BTBD10: variants seen among roughly 807,000 people sequenced by gnomAD.
BTBD10 encodes BTB domain containing 10, also known as BTB/POZ domain-containing protein 10.
In BTBD10, 21 loss-of-function variants were observed where a neutral mutation model predicts 53.2. The ratio of observed to expected loss-of-function variants is 0.39; its 90% confidence interval spans 0.28 to 0.57. The LOEUF (loss-of-function observed/expected upper bound fraction) is 0.57, where lower values mean the gene tolerates loss of function less well. BTBD10 is among the 20% of genes least tolerant of loss of function. BTBD10 has a pLI of 0.53. For synonymous variants in BTBD10, 149 were observed against 192.7 expected, an observed-to-expected ratio of 0.77 and a Z score of 1.88; for missense variants, 360 against 594.7, an observed-to-expected ratio of 0.61 and a Z score of 4.10.
At chr11:13,437,025 C>T (rs912728468) in intron 2 of BTBD10, among the ~76,000 whole-genome samples, 1 of 152,306 alleles carries the variant, frequency 6.6e-6, no homozygotes, top group Non-Finnish European at 1.5e-5. Context: ...TCAAGCAACC[C>T]GCACGCCTCA....
At chr11:13,417,370 A>C (rs1809612086) in intron 4 of BTBD10, 110 bp from the exon 5 acceptor site, 2 of 700,004 alleles carry the variant, frequency 2.9e-6, no homozygotes, top group Admixed American at 5.8e-5. Flanking sequence ...ATTTAGTTCA[A>C]GAATTTTTAT....
At chr11:13,440,094 C>G (rs1346215585) in intron 2 of BTBD10, 1 of 1,520,478 alleles carries the variant, frequency 6.6e-7, no homozygotes, top group South Asian at 1.2e-5. Flanking sequence ...CTCCCCCTAC[C>G]TCACCTGTCC....
At chr11:13,428,118 T>C (rs1423667858) in intron 2 of BTBD10, among the ~76,000 whole-genome samples, 1 of 152,000 alleles carries the variant, frequency 6.6e-6, no homozygotes. Context: ...AGATACAAAC[T>C]ACCAATGTCA....
chr11:13,410,091 A>C (rs552527839), intron 6 of BTBD10, among the ~76,000 whole-genome samples: 1 of 152,272 alleles, frequency 6.6e-6, no homozygotes, highest in Non-Finnish European at 1.5e-5. Context: ...TCTCAGAAAT[A>C]ACCACTAAAA....
At chr11:13,414,124 AGTATTAAAATAT>A (rs1425250257) in intron 5 of BTBD10, among the ~76,000 whole-genome samples, 1 of 152,234 alleles carries the variant, frequency 6.6e-6, no homozygotes, top group Non-Finnish European at 1.5e-5. Flanking sequence ...GTCATATTCA[AGTATTAAAATAT>A]GTAAAATAAG....
At chr11:13,417,374 T>C (rs756255738) in intron 4 of BTBD10, 114 bp from the exon 5 acceptor site, 72 of 678,188 alleles carry the variant, frequency 1.1e-4, no homozygotes, top group Middle Eastern at 3.2e-4. Context: ...AGTTCAAGAA[T>C]TTTTATCATT....
chr11:13,413,693 T>G (rs1488222978), intron 5 of BTBD10, 43 bp from the exon 6 acceptor site: 1 of 1,565,768 alleles, frequency 6.4e-7, no homozygotes, highest in Admixed American at 1.8e-5. Flanking sequence ...ATCTGGAGCA[T>G]AAGGTAGCCA....
At chr11:13,415,129 T>C (rs7941086) in intron 5 of BTBD10, among the ~76,000 whole-genome samples, 25 of 149,230 alleles carry the variant, frequency 1.7e-4, no homozygotes, top group South Asian at 1.1e-3. Flanking sequence ...TTTTTTTTTT[T>C]CTGACACAGG....
intron 1 of BTBD10, among the ~76,000 whole-genome samples, chr11:13,458,090 CCAGAA>C (rs1402109897): frequency 2.7e-5 from 4 of 147,436 alleles, no homozygotes; most frequent in Non-Finnish European, 5.9e-5. Flanking sequence ...TCACTTGAGC[CCAGAA>C]GTTCAAGGTC....
intron 4 of BTBD10, among the ~76,000 whole-genome samples, chr11:13,418,971 C>CT (rs11423580): frequency 0.15 from 18,255 of 125,292 alleles, 1,680 homozygotes; most frequent in South Asian, 0.39. Flanking sequence ...GTTGACATTC[C>CT]TTTTTTTTTT....
chr11:13,406,476 A>G (rs1949830564), intron 6 of BTBD10, among the ~76,000 whole-genome samples: 3 of 152,244 alleles, frequency 2.0e-5, no homozygotes, highest in South Asian at 2.1e-4. Flanking sequence ...CCTACTGAAG[A>G]TGCCAACATC....
At position 13,452,532 on chromosome 11, in the gene BTBD10, A is replaced by C. The variant is rs150607711; in HGVS notation, c.-57-7351T>G. On this transcript the variant is annotated intron_variant, in intron 1 of 8. Transcript: ENST00000278174. ...CAAATATATCAGCAAGGCATAATGA[A>C]ACCACTTTTTGATCAAAAACCCCAA... 3.2e-3 allele frequency among the ~76,000 whole-genome samples: 493 copies of C among 152,320 alleles called. 4 individuals carry two copies. The highest frequency in any genetic ancestry group is 0.011 in the African/African-American group (451 of 41,574).
chr11:13,442,183 C>T (rs1303877293), intron 2 of BTBD10, among the ~76,000 whole-genome samples: 1 of 152,058 alleles, frequency 6.6e-6, no homozygotes, highest in East Asian at 1.9e-4. Flanking sequence ...AGTGTTTAGT[C>T]TTGTTTTCTT....
At chr11:13,452,341 T>C (rs1950878133) in intron 1 of BTBD10, among the ~76,000 whole-genome samples, 2 of 152,168 alleles carry the variant, frequency 1.3e-5, no homozygotes, top group South Asian at 2.1e-4. Context: ...CAAAGTAATT[T>C]TGGTGAGTGA....
At position 13,456,755 on chromosome 11, in the gene BTBD10, T is replaced by C. The variant is rs114057559; in HGVS notation, c.-58+6337A>G. Among the ~76,000 whole-genome samples the C allele has an allele frequency of 6.3e-3, 958 of 152,258 alleles. 14 individuals carry two copies. Among genetic ancestry groups the C allele is most frequent in the African/African-American group, 0.022 (901 of 41,548 alleles). On this transcript the variant is annotated intron_variant, in intron 1 of 8. Transcript: ENST00000278174. ...AATGGCCTTAAACATAAAAATATGT[T>C]CAACCTCACTCATAAAAGAAATGCA... is the stretch of plus-strand genomic sequence containing the variant.
At chr11:13,459,691 T>C (rs2134068634) in intron 1 of BTBD10, 1 of 152,340 alleles carries the variant, frequency 6.6e-6, no homozygotes, top group East Asian at 1.9e-4. Context: ...GGCATTCCAT[T>C]TCCTTCTCCC....
Position 13,405,618 on chromosome 11 carries a change from C to T in BTBD10, c.1006+41G>A, listed in dbSNP as rs201285146. ...TTCTTTACATAAACAAGAAATAATTCGTGATGATTCAGGGGAGAGAAAACA... is the reference window on the plus strand; with the variant it reads ...TTCTTTACATAAACAAGAAATAATTTGTGATGATTCAGGGGAGAGAAAACA... On this transcript the variant is annotated intron_variant, in intron 7 of 8. Transcript: ENST00000278174. The T allele has an allele frequency of 1.9e-4, 311 of 1,601,762 alleles. No homozygotes were observed. The Middle Eastern group carries it at 4.5e-3, about 23-fold the overall frequency.
chr11:13,440,749 A>C (rs1227195705), intron 2 of BTBD10, among the ~76,000 whole-genome samples: 1 of 152,200 alleles, frequency 6.6e-6, no homozygotes, highest in Non-Finnish European at 1.5e-5. Flanking sequence ...TGATGCATTT[A>C]TCTTTAGTAA....
At position 13,460,494 on chromosome 11, in the gene BTBD10, G is replaced by A. The variant is rs1434050944; in HGVS notation, c.-58+2598C>T. Among the ~76,000 whole-genome samples, 4 of 152,258 alleles carry A rather than the reference G, an allele frequency of 2.6e-5. No individual in the cohort carries two copies. The East Asian group carries it at 7.7e-4, about 29-fold the overall frequency. On this transcript the variant is annotated intron_variant, in intron 1 of 8. Coordinates refer to ENST00000278174, the MANE Select transcript of BTBD10 (RefSeq NM_032320.7). ...TGATTAAATTACTTCACATTAATGG[G>A]TAAATGAGGCTTAATCCACAAAGGT...
Sources: gnomAD v4.1 joint callset for allele counts (sites outside exome capture counted in the v4.1 genomes callset) on GRCh38, gnomAD v4.1.1 for gene constraint, MANE v1.5 for transcripts, NCBI Gene and HGNC (gene_info 2026-07-23, HGNC 2026-07-21) for gene names.